TSPAN12: variants seen among roughly 807,000 people sequenced by gnomAD.
TSPAN12 encodes tetraspanin 12.
In TSPAN12, 19 loss-of-function variants were observed where a neutral mutation model predicts 39.2. That is an observed-to-expected ratio of 0.49 (90% CI 0.34 to 0.71). TSPAN12 has a LOEUF of 0.71. Ranked by LOEUF, TSPAN12 falls within the 30% of genes least tolerant of loss-of-function variation. The pLI, the probability that TSPAN12 is intolerant of heterozygous loss-of-function variation, is 0.01. For missense variants in TSPAN12, 314 were observed against 359.9 expected, an observed-to-expected ratio of 0.87 and a Z score of 1.03; for synonymous variants, 119 against 124.8, an observed-to-expected ratio of 0.95 and a Z score of 0.31.
chr7:120,820,568 G>A (rs545336645), intron 4 of TSPAN12, among the ~76,000 whole-genome samples: 4 of 151,840 alleles, frequency 2.6e-5, no homozygotes, highest in African/African-American at 9.7e-5. Context: ...TCTGTGTGTC[G>A]GGGTTTCCTT....
intron 4 of TSPAN12, among the ~76,000 whole-genome samples, chr7:120,821,265 T>C (rs1794182077): frequency 6.6e-6 from 1 of 152,130 alleles, no homozygotes; most frequent in Non-Finnish European, 1.5e-5. Context: ...CACAGCATTC[T>C]GATAATAGGA....
At chr7:120,799,717 A>C (rs1793721298) in intron 7 of TSPAN12, among the ~76,000 whole-genome samples, 1 of 122,478 alleles carries the variant, frequency 8.2e-6, no homozygotes, top group South Asian at 2.3e-4. Context: ...ATTATATTAA[A>C]TATTTATTAT....
chr7:120,794,197 AATTAT>A (rs1215557979), intron 7 of TSPAN12, among the ~76,000 whole-genome samples: 2 of 152,238 alleles, frequency 1.3e-5, no homozygotes, highest in African/African-American at 4.8e-5. Flanking sequence ...TACAGAGTGT[AATTAT>A]ATAAGTAAAA....
intron 5 of TSPAN12, among the ~76,000 whole-genome samples, chr7:120,811,099 T>C (rs1793972589): frequency 6.6e-6 from 1 of 152,190 alleles, no homozygotes; most frequent in Non-Finnish European, 1.5e-5. Context: ...TTAAGAGGTA[T>C]GTTAGAATTT....
At chr7:120,799,147 C>T (rs1793691122) in intron 7 of TSPAN12, among the ~76,000 whole-genome samples, 1 of 152,024 alleles carries the variant, frequency 6.6e-6, no homozygotes, top group Admixed American at 6.6e-5. Context: ...CTGCCTTAGC[C>T]TTCTCTTTTA....
At chr7:120,808,683 C>A (rs985918048) in intron 6 of TSPAN12, among the ~76,000 whole-genome samples, 2 of 152,182 alleles carry the variant, frequency 1.3e-5, no homozygotes, top group South Asian at 4.1e-4. Context: ...ATTAAACAAA[C>A]GTCACTGGGG....
chr7:120,821,314 T>C (rs1191793211), intron 4 of TSPAN12, among the ~76,000 whole-genome samples: 1 of 152,068 alleles, frequency 6.6e-6, no homozygotes, highest in Non-Finnish European at 1.5e-5. Flanking sequence ...GAGATTTTTT[T>C]CACCAAGTCA....
intron 4 of TSPAN12, among the ~76,000 whole-genome samples, chr7:120,823,033 T>C (rs1341533000): frequency 6.6e-6 from 1 of 152,164 alleles, no homozygotes; most frequent in Admixed American, 6.5e-5. Flanking sequence ...GCATGAGGGT[T>C]TATAAAGCCA....
chr7:120,814,817 T>G (rs980040454), intron 5 of TSPAN12, among the ~76,000 whole-genome samples: 1 of 152,190 alleles, frequency 6.6e-6, no homozygotes, highest in African/African-American at 2.4e-5. Flanking sequence ...ATAGCTATTT[T>G]CAAGTAGCCA....
chr7:120,789,004 G>T (rs2116275279), intron 7 of TSPAN12, 107 bp from the exon 8 acceptor site: 2 of 1,167,424 alleles, frequency 1.7e-6, no homozygotes, highest in South Asian at 1.3e-5. Context: ...CAGACTAACT[G>T]GGATCATAAA....
At chr7:120,839,916 C>T in intron 3 of TSPAN12, 111 bp downstream of exon 3, 1 of 832,618 alleles carries the variant, frequency 1.2e-6, no homozygotes, top group South Asian at 1.4e-5. Context: ...TTGCTATGGG[C>T]AGGAAAAACT....
intron 2 of TSPAN12, among the ~76,000 whole-genome samples, chr7:120,853,471 G>GATATATATATATAT (rs375897054): frequency 2.1e-4 from 29 of 138,144 alleles, no homozygotes; most frequent in African/African-American, 6.0e-4. Flanking sequence ...AAGAAATGCA[G>GATATATATATATAT]ATATATATAT....
At chr7:120,849,419 T>A (rs973542062) in intron 2 of TSPAN12, among the ~76,000 whole-genome samples, 1 of 152,240 alleles carries the variant, frequency 6.6e-6, no homozygotes, top group Non-Finnish European at 1.5e-5. Context: ...TGTGTACCTA[T>A]AATTTCCATA....
At chr7:120,842,400 T>C (rs1172870671) in intron 2 of TSPAN12, among the ~76,000 whole-genome samples, 1 of 151,392 alleles carries the variant, frequency 6.6e-6, no homozygotes, top group Non-Finnish European at 1.5e-5. Flanking sequence ...TTGGAACCTC[T>C]TGGGGAACAC....
At position 120,800,486 on chromosome 7, in the gene TSPAN12, C is replaced by G. The variant is rs770475345; in HGVS notation, c.612+6063G>C. Among the ~76,000 whole-genome samples, 30 of 152,278 alleles carry G rather than the reference C, an allele frequency of 2.0e-4. 1 individual carries two copies. The highest frequency in any genetic ancestry group is 6.8e-3 in the Middle Eastern group (2 of 294). On this transcript the variant is annotated intron_variant, in intron 7 of 7. Coordinates refer to ENST00000222747, the MANE Select transcript of TSPAN12 (RefSeq NM_012338.4). ...TCTTCCTTATCCACCCATCGTCCAG[C>G]TGACGTCTGATCACCCTGGCCTGCC...
chr7:120,822,198 CAA>C (rs945953994), intron 4 of TSPAN12, among the ~76,000 whole-genome samples: 1 of 152,002 alleles, frequency 6.6e-6, no homozygotes, highest in African/African-American at 2.4e-5. Context: ...CTCGTAGAAA[CAA>C]AGAGGATTAA....
intron 4 of TSPAN12, among the ~76,000 whole-genome samples, chr7:120,836,633 A>G (rs567729925): frequency 6.6e-6 from 1 of 152,304 alleles, no homozygotes; most frequent in South Asian, 2.1e-4. Context: ...TCATAAAGAC[A>G]GGTCTGATAG....
chr7:120,844,018 G>T (rs574169382), intron 2 of TSPAN12, among the ~76,000 whole-genome samples: 1 of 152,252 alleles, frequency 6.6e-6, no homozygotes, highest in Admixed American at 6.5e-5. Flanking sequence ...AAACATGGCT[G>T]GGGAGGCCTC....
intron 4 of TSPAN12, among the ~76,000 whole-genome samples, chr7:120,830,373 G>A (rs866071801): frequency 1.3e-5 from 2 of 152,042 alleles, no homozygotes; most frequent in East Asian, 1.9e-4. Flanking sequence ...AAAGCTGCAG[G>A]TATCACACTA....
Sources: gnomAD v4.1 joint callset for allele counts (sites outside exome capture counted in the v4.1 genomes callset) on GRCh38, gnomAD v4.1.1 for gene constraint, MANE v1.5 for transcripts, NCBI Gene and HGNC (gene_info 2026-07-23, HGNC 2026-07-21) for gene names.